CARMIL1: variants seen among roughly 807,000 people sequenced by gnomAD.
CARMIL1 encodes capping protein regulator and myosin 1 linker 1, also known as F-actin-uncapping protein LRRC16A.
A neutral mutation model predicts 177.1 loss-of-function variants in CARMIL1; 90 were observed. That is an observed-to-expected ratio of 0.51 (90% CI 0.43 to 0.61). The LOEUF (loss-of-function observed/expected upper bound fraction) is 0.61. Ranked by LOEUF, CARMIL1 falls within the 20% of genes least tolerant of loss-of-function variation. The pLI is 0.00. For missense variants in CARMIL1, 1,380 were observed against 1,667.0 expected, an observed-to-expected ratio of 0.83 and a Z score of 3.00; for synonymous variants, 577 against 606.2, an observed-to-expected ratio of 0.95 and a Z score of 0.71.
rs547407991 is a variant in CARMIL1, at chr6:25,286,166, C to T, written c.138+1257C>T. Among the ~76,000 whole-genome samples the T allele has an allele frequency of 9.2e-5, 14 of 152,332 alleles. No homozygotes were observed. The East Asian group carries it at 1.7e-3, about 19-fold the overall frequency. On this transcript the variant is annotated intron_variant, in intron 2 of 36. Transcript: ENST00000329474. ...GGGATTACAGGCATGAGCCACTGTG[C>T]GTGGCCTGAAAAAGAATATTTTTAA...
At chr6:25,392,054 A>ATGTGTGTG (rs36076582) in intron 2 of CARMIL1, among the ~76,000 whole-genome samples, 84 of 139,354 alleles carry the variant, frequency 6.0e-4, no homozygotes, top group African/African-American at 1.5e-3. Context: ...GTGTATATGC[A>ATGTGTGTG]TGTGTGTGTG....
intron 22 of CARMIL1, among the ~76,000 whole-genome samples, chr6:25,519,262 T>C (rs1216161274): frequency 6.6e-6 from 1 of 152,358 alleles, no homozygotes; most frequent in East Asian, 1.9e-4. Flanking sequence ...GCAATTTTAA[T>C]GTCCCAGTTG....
chr6:25,500,236 G>T lies in CARMIL1; in HGVS notation c.1395+1G>T. On this transcript the variant is annotated splice_donor_variant, in intron 17 of 36. Transcript: ENST00000329474. LOFTEE classifies it high-confidence loss of function. Reference sequence around the variant, plus strand: ...TTCTCTGGATCTCAGCAACTGTGAGGTAAGAACACCCTTAGATTGTATACT... The same window carrying T: ...TTCTCTGGATCTCAGCAACTGTGAGTTAAGAACACCCTTAGATTGTATACT... The T allele has an allele frequency of 6.2e-7, 1 of 1,613,272 alleles. No individual in the cohort carries two copies. Among genetic ancestry groups the T allele is most frequent in the South Asian group, 1.1e-5 (1 of 91,024 alleles).
chr6:25,311,797 T>C (rs1783842050), intron 2 of CARMIL1, among the ~76,000 whole-genome samples: 1 of 152,206 alleles, frequency 6.6e-6, no homozygotes, highest in African/African-American at 2.4e-5. Flanking sequence ...TGTGTCATGA[T>C]CTTAGAGGGC....
At position 25,558,646 on chromosome 6, in the gene CARMIL1, A is replaced by G. The variant is rs1458461570; in HGVS notation, c.2742+1796A>G. Among the ~76,000 whole-genome samples, 1 of 152,214 alleles carries G rather than the reference A, an allele frequency of 6.6e-6. No homozygotes were observed. The highest frequency in any genetic ancestry group is 1.5e-5 in the Non-Finnish European group (1 of 68,038). On this transcript the variant is annotated intron_variant, in intron 29 of 36. Transcript: ENST00000329474. This position sits in a 1 kb window ranked among gnomAD's most constrained non-coding sequence, Gnocchi z 4.1. The stretch of plus-strand genomic sequence containing the variant: ...ACATTCATGTTGCCATGATGCCTAA[A>G]GAGGCAGGAGTAGATGTAGATCTCT...
chr6:25,469,530 C>T (rs1800911359), intron 9 of CARMIL1, among the ~76,000 whole-genome samples: 1 of 151,880 alleles, frequency 6.6e-6, no homozygotes, highest in African/African-American at 2.4e-5. Context: ...TTTAAAATCA[C>T]TTTGTGTGTG....
At chr6:25,471,806 A>G (rs1239112822) in intron 10 of CARMIL1, among the ~76,000 whole-genome samples, 1 of 152,144 alleles carries the variant, frequency 6.6e-6, no homozygotes, top group Non-Finnish European at 1.5e-5. Context: ...ACACTTGCAT[A>G]GTCTTTATCT....
intron 33 of CARMIL1, among the ~76,000 whole-genome samples, chr6:25,600,983 C>T (rs1466929447): frequency 6.6e-6 from 1 of 152,150 alleles, no homozygotes; most frequent in East Asian, 1.9e-4. Context: ...CTTCTATCAG[C>T]TGTGTTTTTT....
chr6:25,333,248 A>G (rs1785879824), intron 2 of CARMIL1, among the ~76,000 whole-genome samples: 1 of 152,206 alleles, frequency 6.6e-6, no homozygotes, highest in African/African-American at 2.4e-5. Flanking sequence ...TTGACAGCAG[A>G]ACTTTTCAGA....
chr6:25,538,034 A>G, intron 25 of CARMIL1, 51 bp downstream of exon 25: 1 of 1,514,160 alleles, frequency 6.6e-7, no homozygotes, highest in African/African-American at 1.4e-5. Context: ...AAAACGTTTC[A>G]TAAAATTTAG....
At chr6:25,333,712 G>T (rs1004672312) in intron 2 of CARMIL1, among the ~76,000 whole-genome samples, 1 of 151,774 alleles carries the variant, frequency 6.6e-6, no homozygotes, top group Non-Finnish European at 1.5e-5. Context: ...TTGAAATATT[G>T]CTTGAAATGC....
intron 2 of CARMIL1, among the ~76,000 whole-genome samples, chr6:25,333,096 C>T (rs1443430633): frequency 6.6e-6 from 1 of 152,152 alleles, no homozygotes; most frequent in African/African-American, 2.4e-5. Context: ...GATGACCTTG[C>T]CCAGAAAAGC....
intron 2 of CARMIL1, among the ~76,000 whole-genome samples, chr6:25,319,169 C>T (rs1254907108): frequency 6.6e-5 from 10 of 152,180 alleles, no homozygotes; most frequent in African/African-American, 2.2e-4. Context: ...GCTTACATGT[C>T]GAGTAAATTA....
chr6:25,397,314 C>T (rs750901837), intron 2 of CARMIL1, among the ~76,000 whole-genome samples: 17 of 152,134 alleles, frequency 1.1e-4, no homozygotes, highest in Non-Finnish European at 2.4e-4. Flanking sequence ...GCCAAGGGGG[C>T]CTTGCAGGCT....
chr6:25,439,634 A>G (rs1797554391), intron 5 of CARMIL1, among the ~76,000 whole-genome samples: 1 of 152,126 alleles, frequency 6.6e-6, no homozygotes, highest in Non-Finnish European at 1.5e-5. Context: ...GGTGACGTGG[A>G]TAACATAGGC....
intron 2 of CARMIL1, among the ~76,000 whole-genome samples, chr6:25,340,777 G>GTTTTTTTTTTTTTTTTTT (rs34928775): frequency 2.3e-5 from 2 of 86,136 alleles, no homozygotes; most frequent in African/African-American, 4.0e-5. Flanking sequence ...GTCAATGAAG[G>GTTTTTTTTTTTTTTTTTT]TTTTTTTTTT....
chr6:25,471,984 C>T (rs1163797911), intron 10 of CARMIL1, among the ~76,000 whole-genome samples: 1 of 152,050 alleles, frequency 6.6e-6, no homozygotes, highest in Non-Finnish European at 1.5e-5. Flanking sequence ...TTAATTTTTG[C>T]CAAAATGTAG....
At chr6:25,596,091 TC>T (rs1299084628) in intron 32 of CARMIL1, among the ~76,000 whole-genome samples, 1 of 152,176 alleles carries the variant, frequency 6.6e-6, no homozygotes, top group Non-Finnish European at 1.5e-5. Context: ...GTTATACCCG[TC>T]CCAGTGTGAT....
At chr6:25,312,917 A>ATAAC (rs55806424) in intron 2 of CARMIL1, among the ~76,000 whole-genome samples, 1 of 150,390 alleles carries the variant, frequency 6.6e-6, no homozygotes, top group African/African-American at 2.4e-5. Context: ...AAAAAAAAAA[A>ATAAC]AAAAAAAAAA....
Sources: gnomAD v4.1 joint callset for allele counts (sites outside exome capture counted in the v4.1 genomes callset) on GRCh38, gnomAD v4.1.1 for gene constraint, Gnocchi (gnomAD v3.1) non-coding constraint, MANE v1.5 for transcripts, NCBI Gene and HGNC (gene_info 2026-07-23, HGNC 2026-07-21) for gene names.